The following HNRNPR variants were observed in gnomAD, a reference collection of about 807,000 sequenced individuals.
The protein encoded by HNRNPR is heterogeneous nuclear ribonucleoprotein R.
In HNRNPR, 4 loss-of-function variants were observed where a neutral mutation model predicts 70.3. The observed-to-expected ratio is 0.06, with a 90% CI of 0.03 to 0.13. HNRNPR has a LOEUF of 0.13. Ranked by LOEUF, HNRNPR falls within the 10% of genes least tolerant of loss-of-function variation. The probability of loss-of-function intolerance (pLI) is 1.00; values close to 1 mark genes in which losing one functional copy is unlikely to be tolerated. For missense variants in HNRNPR, 423 were observed against 788.5 expected, an observed-to-expected ratio of 0.54 and a Z score of 5.55; for synonymous variants, 241 against 267.6, an observed-to-expected ratio of 0.90 and a Z score of 0.97.
rs930122344 is a variant in HNRNPR at position 23,305,151 on chromosome 1, G to C, written c.*5303C>G. On this transcript the variant is annotated 3_prime_UTR_variant, in exon 11 of 11. Transcript: ENST00000302271. ...TTCCACAAAATGTATTTTGTTTTTA[G>C]TGTTTAAAGTCAACAAACTGGCATT... The C allele has an allele frequency of 3.9e-5, 6 of 152,040 alleles. No individual in the cohort carries two copies. The highest frequency in any genetic ancestry group is 2.0e-4 in the Admixed American group (3 of 15,256). 9.4% of individuals were successfully genotyped at this position (152,040 alleles called of 1,614,324 possible).
chr1:23,335,332 T>C (rs1646426054), intron 4 of HNRNPR, among the ~76,000 whole-genome samples: 1 of 152,206 alleles, frequency 6.6e-6, no homozygotes, highest in Admixed American at 6.5e-5. Context: ...TCTTCTACCT[T>C]TGACTGAAAC....
intron 7 of HNRNPR, 63 bp downstream of exon 7, chr1:23,321,465 G>A: frequency 1.4e-6 from 2 of 1,381,018 alleles, no homozygotes; most frequent in Non-Finnish European, 1.0e-6. Context: ...CAGTTTTTTT[G>A]AGCACTTGTA....
At chr1:23,335,894 G>A (rs1265435203) in intron 4 of HNRNPR, among the ~76,000 whole-genome samples, 1 of 149,126 alleles carries the variant, frequency 6.7e-6, no homozygotes, top group East Asian at 2.0e-4. Flanking sequence ...GAGGCGGGCG[G>A]ATCACGAGGT....
Position 23,309,360 on chromosome 1 carries a change from ATGTAC to A in HNRNPR, c.*1089_*1093del, listed in dbSNP as rs1450494027. 6.6e-6 allele frequency: 1 copy of A among 152,166 alleles called. No individual in the cohort carries two copies. The highest frequency in any genetic ancestry group is 1.5e-5 in the Non-Finnish European group (1 of 67,978). The allele number at this position is 152,166 out of a possible 1,614,324, so 9.4% of individuals were successfully genotyped here. On this transcript the variant is annotated 3_prime_UTR_variant, in exon 11 of 11. Transcript: ENST00000302271. Reference sequence around the variant, plus strand: ...CCACAGTACTAACAATTTTCCCTGTATGTACATTCACTTATCCAGCAAATAAGGTC... The same window carrying A: ...CCACAGTACTAACAATTTTCCCTGTAATTCACTTATCCAGCAAATAAGGTC...
At position 23,323,552 on chromosome 1, in the gene HNRNPR, A is replaced by G; in HGVS notation, c.675+4T>C. On this transcript the variant is annotated splice_donor_region_variant and intron_variant, in intron 6 of 10. Coordinates refer to ENST00000302271, the MANE Select transcript of HNRNPR (RefSeq NM_005826.5). ...TGCTAAGACAGTGGATAATTATCAC[A>G]TACCAGTTTCACGGCTTCCTGTGCA... The G allele has an allele frequency of 6.2e-7, 1 of 1,611,760 alleles. No homozygotes were observed. The highest frequency in any genetic ancestry group is 8.5e-7 in the Non-Finnish European group (1 of 1,178,216).
chr1:23,343,589 G>T (rs1017364299), intron 1 of HNRNPR, among the ~76,000 whole-genome samples: 1 of 152,202 alleles, frequency 6.6e-6, no homozygotes, highest in African/African-American at 2.4e-5. Flanking sequence ...GCGCCGCTTG[G>T]AGCCTAAGTT....
chr1:23,337,177 T>C (rs1410722425), intron 4 of HNRNPR, among the ~76,000 whole-genome samples: 4 of 152,194 alleles, frequency 2.6e-5, no homozygotes, highest in Non-Finnish European at 5.9e-5. Flanking sequence ...GAGACATTAC[T>C]GGATCAATCC....
At position 23,311,230 on chromosome 1, in the gene HNRNPR, T is replaced by C. The variant is rs771137168; in HGVS notation, c.1260A>G (p.Gln420=). Residue 420 remains glutamine (Q), a synonymous_variant, in exon 10 of 11, where the codon CAA becomes CAG. Coordinates refer to ENST00000302271, the MANE Select transcript of HNRNPR (RefSeq NM_005826.5). ...KPPDKKRKER[Q]AARQASRSTA... The stretch of plus-strand genomic sequence containing the variant: ...TGCTTCTGGAGGCCTGTCTAGCAGC[T>C]TGGCGCTCTTTCCTTTTCTTGTCTG... 47 of 1,613,660 alleles carry C rather than the reference T, an allele frequency of 2.9e-5. 1 individual carries two copies. In the Admixed American group the frequency reaches 7.7e-4, roughly 26 times the overall value.
At chr1:23,333,465 T>TA in intron 5 of HNRNPR, 53 bp downstream of exon 5, 1 of 1,126,878 alleles carries the variant, frequency 8.9e-7, no homozygotes, top group Non-Finnish European at 1.4e-6. Flanking sequence ...GCATAGTAGA[T>TA]AAAACACTTT....
intron 5 of HNRNPR, among the ~76,000 whole-genome samples, chr1:23,323,988 A>G (rs1569994162): frequency 1.3e-5 from 2 of 152,178 alleles, no homozygotes; most frequent in Middle Eastern, 3.4e-3. Flanking sequence ...TAAATTTTAA[A>G]TTTTTATAAC....
chr1:23,309,300 T>C lies in HNRNPR; in HGVS notation c.*1154A>G, dbSNP rs928260045. Reference sequence around the variant, plus strand: ...TAACTGAAATGGTAGTCACGATCATTTTCACTAAAACTAAAGTCCGCAGTG... The same window carrying C: ...TAACTGAAATGGTAGTCACGATCATCTTCACTAAAACTAAAGTCCGCAGTG... On this transcript the variant is annotated 3_prime_UTR_variant, in exon 11 of 11. Coordinates refer to ENST00000302271, the MANE Select transcript of HNRNPR (RefSeq NM_005826.5). The C allele has an allele frequency of 2.6e-5, 4 of 152,112 alleles. No individual in the cohort carries two copies. The highest frequency in any genetic ancestry group is 9.6e-5 in the African/African-American group (4 of 41,454). 9.4% of individuals were successfully genotyped at this position (152,112 alleles called of 1,614,324 possible). A position where few individuals can be genotyped will look rare whatever the true frequency, so the allele number is the denominator to read the frequency against.
chr1:23,308,620 C>T lies in HNRNPR; in HGVS notation c.*1834G>A, dbSNP rs1557801382. The T allele has an allele frequency of 6.6e-6, 1 of 152,030 alleles. No homozygotes were observed. Among genetic ancestry groups the T allele is most frequent in the Non-Finnish European group, 1.5e-5 (1 of 67,902 alleles). 9.4% of individuals were successfully genotyped at this position (152,030 alleles called of 1,614,324 possible). On this transcript the variant is annotated 3_prime_UTR_variant, in exon 11 of 11. Transcript: ENST00000302271. ...ACTATCATACAACAGACCATAATTC[C>T]TTTATCAGTTTCCAAAAAACTAAAA...
At chr1:23,315,300 A>C (rs1352375767) in intron 8 of HNRNPR, among the ~76,000 whole-genome samples, 10 of 146,168 alleles carry the variant, frequency 6.8e-5, no homozygotes, top group East Asian at 1.9e-4. Flanking sequence ...AAAAAAAAAA[A>C]AAAAACAAAA....
intron 1 of HNRNPR, among the ~76,000 whole-genome samples, chr1:23,341,767 T>C (rs923111488): frequency 1.2e-4 from 18 of 152,144 alleles, no homozygotes; most frequent in Non-Finnish European, 2.6e-4. Flanking sequence ...AAAATAAAGA[T>C]GTAAAAACAT....
chr1:23,323,518 A>G (rs1355522633), intron 6 of HNRNPR, 38 bp downstream of exon 6: 1 of 1,537,260 alleles, frequency 6.5e-7, no homozygotes. Context: ...ATTTCCTCAA[A>G]TAGTGACTTG....
intron 5 of HNRNPR, among the ~76,000 whole-genome samples, chr1:23,324,441 G>T (rs1057204464): frequency 2.6e-5 from 4 of 152,092 alleles, no homozygotes; most frequent in Non-Finnish European, 5.9e-5. Context: ...GGTGGCAGGC[G>T]CCTGTACTCC....
intron 5 of HNRNPR, among the ~76,000 whole-genome samples, chr1:23,330,146 C>T (rs1462595654): frequency 6.6e-6 from 1 of 152,100 alleles, no homozygotes; most frequent in Non-Finnish European, 1.5e-5. Context: ...TTTCATTACT[C>T]TGCAAAACAT....
chr1:23,330,269 G>T (rs1646161499), intron 5 of HNRNPR, among the ~76,000 whole-genome samples: 1 of 152,004 alleles, frequency 6.6e-6, no homozygotes, highest in Non-Finnish European at 1.5e-5. Flanking sequence ...AGGCGAGGTT[G>T]CTCACTCCTG....
rs2148284516 is a variant in HNRNPR, at chr1:23,305,973, T to A, written c.*4481A>T. On this transcript the variant is annotated 3_prime_UTR_variant, in exon 11 of 11. Transcript: ENST00000302271. ...ATTTTTAAAAATAGTATCTTTGGTG[T>A]TTAAGCCCTCCATTCTATCAATGTC... 6.6e-6 allele frequency: 1 copy of A among 152,316 alleles called. No individual in the cohort carries two copies. Among genetic ancestry groups the A allele is most frequent in the South Asian group, 2.1e-4 (1 of 4,832 alleles). 9.4% of individuals were successfully genotyped at this position (152,316 alleles called of 1,614,324 possible).
Sources: allele counts gnomAD v4.1 joint callset (sites outside exome capture counted in the v4.1 genomes callset), GRCh38; gene constraint gnomAD v4.1.1; transcripts MANE v1.5; gene names NCBI Gene and HGNC (gene_info 2026-07-23, HGNC 2026-07-21).